The following DNAH1 variants were observed in gnomAD, a reference collection of about 807,000 sequenced individuals.
DNAH1 encodes the protein axonemal beta dynein heavy chain 1.
A neutral mutation model predicts 484.3 loss-of-function variants in DNAH1; 327 were observed. That is an observed-to-expected ratio of 0.68 (90% CI 0.62 to 0.74). DNAH1 has a LOEUF of 0.74. Among genes scored for constraint, DNAH1 ranks in the 30% least tolerant of loss-of-function variants. DNAH1 has a pLI of 0.00. For missense variants in DNAH1, 5,052 were observed against 5,546.8 expected (o/e 0.91, Z 2.83); for synonymous variants, 2,192 against 2,191.9 (o/e 1.00, Z 0.00).
intron 7 of DNAH1, 28 bp from the exon 8 acceptor site, chr3:52,332,114 C>T (rs1351828177): frequency 6.5e-7 from 1 of 1,541,278 alleles, no homozygotes; most frequent in South Asian, 1.2e-5. Context: ...GATTGTGTGT[C>T]CCCTTCTCCC....
chr3:52,344,424 G>T lies in DNAH1; in HGVS notation c.1287-66G>T, dbSNP rs1578106924. The T allele has an allele frequency of 2.5e-6, 4 of 1,570,570 alleles. No homozygotes were observed. In the East Asian group the frequency reaches 9.0e-5, roughly 35 times the overall value. On this transcript the variant is annotated intron_variant, in intron 8 of 77. Coordinates refer to ENST00000420323, the MANE Select transcript of DNAH1 (RefSeq NM_015512.5). The stretch of plus-strand genomic sequence containing the variant: ...CCAGGTCCATGCCAGAGCAGAGCTT[G>T]GGCCCCGGCTGGGGTTCACAGGGTG...
chr3:52,331,234 C>T lies in DNAH1; in HGVS notation c.958C>T (p.His320Tyr). The change falls in exon 7 of 78, where the codon CAC (histidine) becomes TAC (tyrosine). Residue 320 changes from histidine to tyrosine, a missense_variant. Physicochemically the swap from His to Tyr is moderately conservative, Grantham distance 83. Around this residue, in one of 4 missense-constraint regions of DNAH1, gnomAD observed 1,263 missense variants for 1,218.8 expected, o/e 1.04. Coordinates refer to ENST00000420323, the MANE Select transcript of DNAH1 (RefSeq NM_015512.5). Reference protein sequence around the residue: ...YDEEKKLYLVHKTDEKGLVRD... With the variant: ...YDEEKKLYLVYKTDEKGLVRD... ...CGAGGAGAAGAAGCTATACCTGGTACACAAGACAGACGAGAAAGGCCTGGT... is the reference window on the plus strand; with the variant it reads ...CGAGGAGAAGAAGCTATACCTGGTATACAAGACAGACGAGAAAGGCCTGGT... 6.2e-7 allele frequency: 1 copy of T among 1,611,266 alleles called. No homozygotes were observed.
chr3:52,366,272 A>G (rs910380749), intron 34 of DNAH1, among the ~76,000 whole-genome samples, 185 bp from the exon 35 acceptor site: 3 of 152,196 alleles, frequency 2.0e-5, no homozygotes, highest in Admixed American at 6.5e-5. Flanking sequence ...TACTCTGCCA[A>G]GTTCTGTGCT....
chr3:52,399,380 C>G (rs978297459), intron 76 of DNAH1, among the ~76,000 whole-genome samples, 165 bp from the exon 77 acceptor site: 1 of 152,118 alleles, frequency 6.6e-6, no homozygotes, highest in African/African-American at 2.4e-5. Flanking sequence ...ATCAGAAATC[C>G]ACAGGGGCAG....
intron 54 of DNAH1, 61 bp from the exon 55 acceptor site, chr3:52,386,099 G>C (rs1704092762): frequency 6.5e-7 from 1 of 1,528,328 alleles, no homozygotes; most frequent in South Asian, 1.3e-5. Flanking sequence ...TTCCATCTGG[G>C]GAGACTAAGA....
chr3:52,386,611 A>C, intron 55 of DNAH1, 51 bp from the exon 56 acceptor site: 1 of 1,494,130 alleles, frequency 6.7e-7, no homozygotes, highest in East Asian at 2.5e-5. Context: ...GTCCCTGCCG[A>C]GGGGTGCCCA....
rs1578073154 is a variant in DNAH1, at chr3:52,326,272, A to G, written c.539A>G (p.Gln180Arg). 1.2e-6 allele frequency: 2 copies of G among 1,611,366 alleles called. No individual in the cohort carries two copies. Among genetic ancestry groups the G allele is most frequent in the Non-Finnish European group, 1.7e-6 (2 of 1,179,774 alleles). Residue 180 changes from glutamine (Q) to arginine (R), a missense_variant, in exon 4 of 78, where the codon CAG becomes CGG. This residue lies in a region of DNAH1 where 1,263 missense variants were observed against 1,218.8 expected (regional missense o/e 1.04). Transcript: ENST00000420323. ...GAGCCCAAGATGCAGGTGCCTTTCC[A>G]GGTGCTGCCAGGCCAGCATCCTCGC... ...AYEPKMQVPF[Q>R]VLPGQHPRKI...
rs1702855678 is a variant in DNAH1 at position 52,361,507 on chromosome 3, T to G, written c.4875-154T>G. On this transcript the variant is annotated intron_variant, in intron 29 of 77. Coordinates refer to ENST00000420323, the MANE Select transcript of DNAH1 (RefSeq NM_015512.5). This position sits in a 1 kb window ranked among gnomAD's most constrained non-coding sequence, Gnocchi z 5.6. ...CATCACGGCTTGGTCCTGGGGGCAT[T>G]GGGGTGGGGAGTGGCAGTGGGTTGA... Among the ~76,000 whole-genome samples, 1 of 150,508 alleles carries G rather than the reference T, an allele frequency of 6.6e-6. No individual in the cohort carries two copies. The highest frequency in any genetic ancestry group is 2.5e-5 in the African/African-American group (1 of 40,678).
chr3:52,399,080 G>A lies in DNAH1; in HGVS notation c.12320G>A (p.Gly4107Asp). The A allele has an allele frequency of 3.1e-6, 5 of 1,614,070 alleles. No homozygotes were observed. The highest frequency in any genetic ancestry group is 3.4e-6 in the Non-Finnish European group (4 of 1,179,910). ...TTTCTGCAGGCCTGGATCCAAGATG[G>A]CATCCCAGCTGTCTTCTGGATCAGT... Reference protein sequence around the residue: ...LDFLQAWIQDGIPAVFWISGF... With the variant: ...LDFLQAWIQDDIPAVFWISGF... The change falls in exon 76 of 78, where the codon GGC (glycine) becomes GAC (aspartate). Residue 4107 changes from glycine to aspartate, a missense_variant. Transcript: ENST00000420323.
At chr3:52,365,242 C>T (rs184959385) in intron 34 of DNAH1, among the ~76,000 whole-genome samples, 2 of 152,324 alleles carry the variant, frequency 1.3e-5, no homozygotes, top group Non-Finnish European at 2.9e-5. Context: ...GCGTTGTCCC[C>T]TTCCTAGGCC....
chr3:52,333,949 T>C (rs1701647202), intron 8 of DNAH1, among the ~76,000 whole-genome samples: 2 of 152,228 alleles, frequency 1.3e-5, no homozygotes, highest in African/African-American at 4.8e-5. Flanking sequence ...ATCAAGTGCA[T>C]TTTAAACTTA....
In DNAH1 at chr3:52,364,937, C is replaced by G. The variant is rs1703010252; in HGVS notation, c.5436C>G (p.Ile1812Met). The G allele has an allele frequency of 6.2e-7, 1 of 1,613,982 alleles. No homozygotes were observed. The highest frequency in any genetic ancestry group is 2.2e-5 in the East Asian group (1 of 44,880). ...TCGTGTCCGACCTGTTTCCCACCAT[C>G]AAGGAGGAGGACACGGACTACGGCA... ...SGIVSDLFPTIKEEDTDYGIL... is the reference protein window; with the variant it reads ...SGIVSDLFPTMKEEDTDYGIL... Residue 1812 changes from isoleucine (I) to methionine (M), a missense_variant, in exon 34 of 78, where the codon ATC becomes ATG. By Grantham distance (10) the Ile-to-Met change is conservative. Coordinates refer to ENST00000420323, the MANE Select transcript of DNAH1 (RefSeq NM_015512.5). This position sits in a 1 kb window ranked among gnomAD's most constrained non-coding sequence, Gnocchi z 4.2.
At chr3:52,386,391 T>C (rs1379593837) in intron 55 of DNAH1, 46 bp downstream of exon 55, 1 of 1,508,730 alleles carries the variant, frequency 6.6e-7, no homozygotes, top group African/African-American at 1.4e-5. Context: ...TATGCCTCTG[T>C]CCTCAAGCCT....
At chr3:52,366,413 C>G (rs1703074167) in intron 34 of DNAH1, 44 bp from the exon 35 acceptor site, 1 of 1,525,100 alleles carries the variant, frequency 6.6e-7, no homozygotes, top group African/African-American at 1.4e-5. Flanking sequence ...GGCCAGGACC[C>G]AAGCCCATGC....
intron 46 of DNAH1, among the ~76,000 whole-genome samples, chr3:52,376,819 A>C: frequency 7.2e-6 from 1 of 139,276 alleles, no homozygotes; most frequent in African/African-American, 2.7e-5. Flanking sequence ...CTGTGAATGC[A>C]CCTCTCACCC....
Position 52,388,459 on chromosome 3 carries a change from G to C in DNAH1, c.9213G>C (p.Gln3071His), listed in dbSNP as rs1233521997. The C allele has an allele frequency of 2.5e-6, 4 of 1,612,776 alleles. No homozygotes were observed. The highest frequency in any genetic ancestry group is 3.4e-6 in the Non-Finnish European group (4 of 1,179,488). The change falls in exon 58 of 78, where the codon CAG becomes CAC. Residue 3071 changes from glutamine to histidine, a missense_variant. Transcript: ENST00000420323. The part of the protein sequence containing the change: ...LEAQDDLGVT[Q>H]RILDEAKQRL... ...CCCAGGATGACCTGGGGGTGACACA[G>C]AGGATCCTGGATGAGGCAAAACAGC...
Position 52,396,268 on chromosome 3 carries a change from T to C in DNAH1, c.11260-100T>C, listed in dbSNP as rs1704618991. On this transcript the variant is annotated intron_variant, in intron 70 of 77. Transcript: ENST00000420323. ...TTCTTAACCAGTTGTCTGTGCAGCC[T>C]CGCCTGACCCACCTCAGGGTCCCTG... The C allele has an allele frequency of 2.2e-6, 3 of 1,351,874 alleles. No homozygotes were observed. In the East Asian group the frequency reaches 7.6e-5, roughly 34 times the overall value. The allele number at this position is 1,351,874 out of a possible 1,614,324, so 83.7% of individuals were successfully genotyped here.
intron 16 of DNAH1, among the ~76,000 whole-genome samples, chr3:52,351,470 C>T (rs1028541352): frequency 3.3e-5 from 5 of 152,230 alleles, no homozygotes; most frequent in African/African-American, 4.8e-5. Flanking sequence ...AACTCCCCCA[C>T]GACCAGCATC....
At position 52,362,928 on chromosome 3, in the gene DNAH1, G is replaced by A. The variant is rs11706515; in HGVS notation, c.5095-67G>A. On this transcript the variant is annotated intron_variant, in intron 31 of 77. Coordinates refer to ENST00000420323, the MANE Select transcript of DNAH1 (RefSeq NM_015512.5). The surrounding 1 kb of genome is among the most constrained non-coding windows in gnomAD (Gnocchi z 5.1). ...TCCCAGCGTGTTAGGGAGGAGGGCC[G>A]GATGAAGCTGGGGGTGCTCTGGGGG... 0.11 allele frequency: 176,197 copies of A among 1,601,814 alleles called. 10,838 individuals are homozygous for A. The highest frequency in any genetic ancestry group is 0.13 in the Non-Finnish European group (148,113 of 1,172,606).
Sources: allele counts gnomAD v4.1 joint callset (sites outside exome capture counted in the v4.1 genomes callset), GRCh38; gene constraint gnomAD v4.1.1; regional missense constraint gnomAD v4.1.1; non-coding constraint Gnocchi (gnomAD v3.1); transcripts MANE v1.5; gene names NCBI Gene and HGNC (gene_info 2026-07-23, HGNC 2026-07-21).